Variants in SAXO1 observed in about 807,000 individuals in gnomAD.
SAXO1 encodes the protein stabilizer of axonemal microtubules 1.
In SAXO1, 21 loss-of-function variants were observed where a neutral mutation model predicts 17.5. The observed-to-expected ratio is 1.20, with a 90% confidence interval of 0.85 to 1.72. SAXO1 has a LOEUF of 1.72. Ranked by LOEUF, SAXO1 falls within the 40% of genes most tolerant of loss-of-function variation. SAXO1 has a pLI of 0.00. For synonymous variants in SAXO1, 274 were observed against 216.5 expected, an observed-to-expected ratio of 1.27 and a Z score of -2.33; for missense variants, 843 against 596.0, an observed-to-expected ratio of 1.41 and a Z score of -4.32.
In SAXO1 at chr9:19,033,194, C is replaced by G. The variant is rs564260145; in HGVS notation, c.-286G>C. 1.1e-4 allele frequency: 40 copies of G among 360,198 alleles called. No homozygotes were observed. The South Asian group carries it at 4.4e-3, about 40-fold the overall frequency. 22.3% of individuals were successfully genotyped at this position (360,198 alleles called of 1,614,324 possible). A position where few individuals can be genotyped will look rare whatever the true frequency, so the allele number is the denominator to read the frequency against. The stretch of plus-strand genomic sequence containing the variant: ...GGCCTCCGCAGTCCAGACTTAAGCA[C>G]CTGGAGCGGCTGACTGGGCCCCAGG... On this transcript the variant is annotated 5_prime_UTR_variant, in exon 1 of 4. Transcript: ENST00000380534.
chr9:19,039,302 G>T (rs1387487155), intron 1 of SAXO1, among the ~76,000 whole-genome samples: 1 of 152,120 alleles, frequency 6.6e-6, no homozygotes, highest in Non-Finnish European at 1.5e-5. Context: ...TATTTAATGC[G>T]CTGTGGAACA....
intron 2 of SAXO1, among the ~76,000 whole-genome samples, chr9:18,943,947 C>T (rs1004909371): frequency 3.3e-5 from 5 of 152,194 alleles, no homozygotes; most frequent in South Asian, 2.1e-4. Flanking sequence ...TCAGGGATGC[C>T]GCAGAAACCT....
intron 1 of SAXO1, among the ~76,000 whole-genome samples, chr9:18,954,245 A>G (rs959673852): frequency 1.3e-5 from 2 of 152,218 alleles, no homozygotes; most frequent in African/African-American, 4.8e-5. Flanking sequence ...AGACCTTATG[A>G]TGGATCTCAG....
intron 1 of SAXO1, among the ~76,000 whole-genome samples, chr9:19,014,547 T>A (rs1467046545): frequency 6.8e-6 from 1 of 147,582 alleles, no homozygotes; most frequent in African/African-American, 2.5e-5. Flanking sequence ...TTTAGAAAAA[T>A]TGCTATCGGA....
intron 1 of SAXO1, among the ~76,000 whole-genome samples, chr9:19,005,285 A>T (rs774297726): frequency 6.6e-6 from 1 of 152,162 alleles, no homozygotes; most frequent in Non-Finnish European, 1.5e-5. Flanking sequence ...TCTGAAGTTC[A>T]TATTGAATCT....
intron 1 of SAXO1, among the ~76,000 whole-genome samples, chr9:19,030,663 G>A (rs899702983): frequency 2.0e-5 from 3 of 151,746 alleles, no homozygotes; most frequent in South Asian, 2.1e-4. Context: ...CAGAGATCGC[G>A]CCACTGCACG....
chr9:18,947,469 A>T (rs1831847139), intron 2 of SAXO1, among the ~76,000 whole-genome samples: 1 of 151,310 alleles, frequency 6.6e-6, no homozygotes, highest in Non-Finnish European at 1.5e-5. Context: ...CTATCTCCTC[A>T]CTCTGTGCCT....
At position 18,928,155 on chromosome 9, in the gene SAXO1, C is replaced by T. The variant is rs371591188; in HGVS notation, c.1322G>A (p.Arg441Lys). Residue 441 changes from arginine to lysine, a missense_variant, in exon 4 of 4, where the codon AGG (arginine) becomes AAG (lysine). Physicochemically the swap from Arg to Lys is conservative, Grantham distance 26. Transcript: ENST00000380534. ...TGCCTGGGAAACTGGTTTGTATATC[C>T]TGTGACCCAAAGCATCCACTTCCTC... The part of the protein sequence containing the change: ...TFEEVDALGH[R>K]IYKPVSQAGS... 71 of 1,614,082 alleles carry T rather than the reference C, an allele frequency of 4.4e-5. 1 individual carries two copies. The highest frequency in any genetic ancestry group is 6.0e-5 in the Non-Finnish European group (71 of 1,180,030).
chr9:19,003,422 G>A (rs1834361150), intron 1 of SAXO1, among the ~76,000 whole-genome samples: 1 of 152,134 alleles, frequency 6.6e-6, no homozygotes, highest in Non-Finnish European at 1.5e-5. Context: ...CCAAAAAAGA[G>A]CCCACATAGC....
chr9:18,950,087 C>A (rs1170562062), intron 2 of SAXO1, among the ~76,000 whole-genome samples: 7 of 152,112 alleles, frequency 4.6e-5, no homozygotes, highest in Non-Finnish European at 1.0e-4. Context: ...TGCTTATAGA[C>A]CAACCCTGAA....
At chr9:19,017,331 T>C (rs1259074334) in intron 1 of SAXO1, among the ~76,000 whole-genome samples, 1 of 152,106 alleles carries the variant, frequency 6.6e-6, no homozygotes, top group African/African-American at 2.4e-5. Flanking sequence ...AACCTCAGCA[T>C]CACACAATAT....
chr9:18,930,464 A>G (rs1830991716), intron 3 of SAXO1, among the ~76,000 whole-genome samples: 1 of 151,934 alleles, frequency 6.6e-6, no homozygotes, highest in African/African-American at 2.4e-5. Flanking sequence ...ATGGGATGAC[A>G]AACCATGTGA....
At chr9:19,002,778 G>A (rs1308161084) in intron 1 of SAXO1, among the ~76,000 whole-genome samples, 2 of 152,164 alleles carry the variant, frequency 1.3e-5, no homozygotes, top group African/African-American at 4.8e-5. Context: ...CAAACCCACA[G>A]CCAATATCAT....
intron 1 of SAXO1, chr9:19,028,002 C>T (rs1835576800): frequency 6.3e-7 from 1 of 1,598,978 alleles, no homozygotes; most frequent in Non-Finnish European, 8.6e-7. Context: ...GGGCCCAGTG[C>T]AAGGCTGTGT....
intron 1 of SAXO1, among the ~76,000 whole-genome samples, chr9:18,980,604 G>A (rs1833343282): frequency 6.6e-6 from 1 of 151,452 alleles, no homozygotes. Flanking sequence ...CCAGGCTGGG[G>A]CTAAAGAAAT....
intron 1 of SAXO1, among the ~76,000 whole-genome samples, chr9:18,988,120 T>G (rs1833668759): frequency 6.6e-6 from 1 of 152,190 alleles, no homozygotes; most frequent in African/African-American, 2.4e-5. Context: ...TACAGCTTAT[T>G]TGAAAAAGCA....
At chr9:18,952,076 T>A (rs1832060201) in intron 1 of SAXO1, among the ~76,000 whole-genome samples, 2 of 152,224 alleles carry the variant, frequency 1.3e-5, no homozygotes, top group African/African-American at 4.8e-5. Context: ...ACTTATTTAC[T>A]TACTACTTAC....
At chr9:18,937,875 G>A (rs1373168011) in intron 3 of SAXO1, among the ~76,000 whole-genome samples, 1 of 152,016 alleles carries the variant, frequency 6.6e-6, no homozygotes, top group Non-Finnish European at 1.5e-5. Flanking sequence ...TTTTGTTACA[G>A]CAGCACAAAT....
chr9:18,934,362 A>T (rs1270200709), intron 3 of SAXO1, among the ~76,000 whole-genome samples: 1 of 152,018 alleles, frequency 6.6e-6, no homozygotes, highest in Non-Finnish European at 1.5e-5. Flanking sequence ...CCTTTCTCTT[A>T]ATTTTTTTCT....
Sources: gnomAD v4.1 joint callset for allele counts (sites outside exome capture counted in the v4.1 genomes callset) on GRCh38, gnomAD v4.1.1 for gene constraint, MANE v1.5 for transcripts, NCBI Gene and HGNC (gene_info 2026-07-23, HGNC 2026-07-21) for gene names.